The following DOCK3 variants were observed in gnomAD, a reference collection of about 807,000 sequenced individuals.
The protein encoded by DOCK3 is dedicator of cytokinesis 3.
DOCK3 carries 60 observed loss-of-function variants against 265.6 expected under a neutral mutation model. The observed-to-expected ratio is 0.23, with a 90% CI of 0.18 to 0.28. The LOEUF is 0.28. Among genes scored for constraint, DOCK3 ranks in the 10% least tolerant of loss-of-function variants. The pLI is 1.00. For missense variants in DOCK3, 1,981 were observed against 2,594.3 expected (o/e 0.76, Z 5.14); for synonymous variants, 881 against 938.0 (o/e 0.94, Z 1.11).
At chr3:51,288,297 C>T (rs2081525068) in intron 27 of DOCK3, among the ~76,000 whole-genome samples, 1 of 150,804 alleles carries the variant, frequency 6.6e-6, no homozygotes, top group African/African-American at 2.4e-5. Context: ...GAGGCTGAGG[C>T]AGGAGAGTCA....
Position 50,879,300 on chromosome 3 carries a change from G to A in DOCK3, c.163-10726G>A, listed in dbSNP as rs1160250055. On this transcript the variant is annotated intron_variant, in intron 3 of 52. Transcript: ENST00000266037. ...ACAATATTCACTTTAAATGTAAATG[G>A]GCTAACTGCTCCAATTGAAAGACAC... is the stretch of plus-strand genomic sequence containing the variant. 3.3e-5 allele frequency among the ~76,000 whole-genome samples: 5 copies of A among 152,190 alleles called. No homozygotes were observed. In the South Asian group the frequency reaches 1.0e-3, roughly 32 times the overall value.
At chr3:50,901,842 C>T (rs764222094) in intron 4 of DOCK3, among the ~76,000 whole-genome samples, 33 of 152,294 alleles carry the variant, frequency 2.2e-4, no homozygotes, top group Non-Finnish European at 3.4e-4. Context: ...CCGTGTACCT[C>T]ACTTGGAAAT....
Position 51,009,230 on chromosome 3 carries a change from G to T in DOCK3, c.316-55218G>T, listed in dbSNP as rs574830974. ...TTTGTACCTCTCATAGAATTCGGCT[G>T]TGAACCCATCTGGTCCTGGACTTTT... On this transcript the variant is annotated intron_variant, in intron 5 of 52. Transcript: ENST00000266037. Among the ~76,000 whole-genome samples, 6 of 152,282 alleles carry T rather than the reference G, an allele frequency of 3.9e-5. No homozygotes were observed. In the South Asian group the frequency reaches 1.2e-3, roughly 32 times the overall value.
At chr3:50,881,875 T>G (rs893966016) in intron 3 of DOCK3, among the ~76,000 whole-genome samples, 2 of 152,086 alleles carry the variant, frequency 1.3e-5, no homozygotes, top group Non-Finnish European at 2.9e-5. Context: ...ATACTACAAG[T>G]CTACAGTAAC....
intron 9 of DOCK3, among the ~76,000 whole-genome samples, chr3:51,116,514 T>C (rs981931692): frequency 6.6e-6 from 1 of 150,766 alleles, no homozygotes; most frequent in African/African-American, 2.4e-5. Context: ...TCAATGGTAG[T>C]TTGATGGGAA....
At chr3:50,947,250 A>G (rs1378745108) in intron 5 of DOCK3, among the ~76,000 whole-genome samples, 1 of 152,208 alleles carries the variant, frequency 6.6e-6, no homozygotes, top group Admixed American at 6.5e-5. Context: ...ATTTTGTAAT[A>G]TATAGCTTTC....
intron 4 of DOCK3, among the ~76,000 whole-genome samples, chr3:50,921,734 G>C (rs1471221308): frequency 1.3e-5 from 2 of 152,092 alleles, no homozygotes; most frequent in Non-Finnish European, 2.9e-5. Context: ...CTGGAGTTTT[G>C]GTGTGGATGT....
intron 4 of DOCK3, among the ~76,000 whole-genome samples, chr3:50,913,588 C>T (rs2049971861): frequency 6.6e-6 from 1 of 152,076 alleles, no homozygotes; most frequent in Admixed American, 6.5e-5. Context: ...AGAGCATGTT[C>T]ACAGTGGTGA....
intron 6 of DOCK3, among the ~76,000 whole-genome samples, chr3:51,065,992 A>G (rs1374243046): frequency 6.6e-6 from 1 of 152,218 alleles, no homozygotes; most frequent in Admixed American, 6.5e-5. Context: ...ACACTTTAAT[A>G]TCCTCAAATC....
At chr3:51,179,886 G>T (rs1160081714) in intron 12 of DOCK3, among the ~76,000 whole-genome samples, 1 of 151,890 alleles carries the variant, frequency 6.6e-6, no homozygotes, top group East Asian at 1.9e-4. Flanking sequence ...CACTCAGCTT[G>T]GGCAACAGAA....
At chr3:51,249,775 G>A (rs370364433) in intron 22 of DOCK3, among the ~76,000 whole-genome samples, 1 of 144,414 alleles carries the variant, frequency 6.9e-6, no homozygotes, top group South Asian at 2.3e-4. Context: ...TGGGAGGTGT[G>A]CCCAACAGCT....
At chr3:51,082,315 C>T (rs1387769786) in intron 7 of DOCK3, among the ~76,000 whole-genome samples, 2 of 152,096 alleles carry the variant, frequency 1.3e-5, no homozygotes, top group Non-Finnish European at 2.9e-5. Context: ...CTCCACACCC[C>T]TGGAGCCCTG....
intron 3 of DOCK3, among the ~76,000 whole-genome samples, chr3:50,889,293 A>G (rs372403890): frequency 1.3e-5 from 2 of 151,998 alleles, no homozygotes; most frequent in Middle Eastern, 3.4e-3. Flanking sequence ...TATGTTGCCC[A>G]GACTAGTCAT....
chr3:51,319,987 A>G (rs184056798), intron 32 of DOCK3, among the ~76,000 whole-genome samples: 6 of 152,142 alleles, frequency 3.9e-5, no homozygotes, highest in Non-Finnish European at 7.4e-5. Flanking sequence ...TTCTCAATAC[A>G]TAGGCTTTTT....
intron 5 of DOCK3, among the ~76,000 whole-genome samples, chr3:51,023,871 C>T (rs2079700896): frequency 6.6e-6 from 1 of 151,940 alleles, no homozygotes; most frequent in Non-Finnish European, 1.5e-5. Flanking sequence ...TGTCTCATTT[C>T]AAATATTTTA....
intron 27 of DOCK3, 36 bp downstream of exon 27, chr3:51,280,240 G>A: frequency 1.3e-6 from 2 of 1,584,316 alleles, no homozygotes; most frequent in Non-Finnish European, 1.7e-6. Context: ...GGGAGAGGAA[G>A]TGTGCAGCCA....
chr3:51,170,461 T>C (rs956314318), intron 12 of DOCK3, among the ~76,000 whole-genome samples: 8 of 152,180 alleles, frequency 5.3e-5, no homozygotes, highest in Admixed American at 5.2e-4. Flanking sequence ...TATGATTCAA[T>C]CTTGGTAAGT....
chr3:51,360,673 G>A (rs2086668558), intron 47 of DOCK3, 41 bp downstream of exon 47: 1 of 1,611,628 alleles, frequency 6.2e-7, no homozygotes, highest in African/African-American at 1.3e-5. Context: ...CTGGAGAGGT[G>A]AGTCTAAATT....
intron 12 of DOCK3, among the ~76,000 whole-genome samples, chr3:51,200,886 A>C (rs2088707350): frequency 6.6e-6 from 1 of 152,166 alleles, no homozygotes; most frequent in South Asian, 2.1e-4. Flanking sequence ...TCTTACCGAA[A>C]AGAATTTTCA....
Sources: gnomAD v4.1 joint callset for allele counts (sites outside exome capture counted in the v4.1 genomes callset) on GRCh38, gnomAD v4.1.1 for gene constraint, MANE v1.5 for transcripts, NCBI Gene and HGNC (gene_info 2026-07-23, HGNC 2026-07-21) for gene names.